Variants in BMI1 observed in about 807,000 individuals in gnomAD.
The protein encoded by BMI1 is polycomb complex protein BMI-1.
Under a neutral mutation model 39.1 loss-of-function variants are expected in BMI1, and 9 were observed. The ratio of observed to expected loss-of-function variants is 0.23; its 90% CI spans 0.14 to 0.40. The LOEUF is 0.40. Among genes scored for constraint, BMI1 ranks in the 10% least tolerant of loss-of-function variants. The pLI is 1.00. For synonymous variants in BMI1, 131 were observed against 127.9 expected (o/e 1.02, Z -0.16); for missense variants, 252 against 390.8 (o/e 0.64, Z 2.99).
chr10:22,329,294 A>G lies in BMI1; in HGVS notation c.733A>G (p.Asn245Asp). Reference sequence around the variant, plus strand: ...CAGTCACCAGAGAGATGGACTGACAAATGCTGGAGAACTGGAAAGTGACTC... The same window carrying G: ...CAGTCACCAGAGAGATGGACTGACAGATGCTGGAGAACTGGAAAGTGACTC... ...KISHQRDGLT[N>D]AGELESDSGS... Residue 245 changes from asparagine to aspartate, a missense_variant, in exon 10 of 10, where the codon AAT becomes GAT. By Grantham distance (23) the Asn-to-Asp change is conservative. Around this residue, in one of 4 missense-constraint regions of BMI1, gnomAD observed 96 missense variants for 120.2 expected, o/e 0.80. Transcript: ENST00000376663. 1 of 1,614,206 alleles carries G rather than the reference A, an allele frequency of 6.2e-7. No homozygotes were observed. The highest frequency in any genetic ancestry group is 8.5e-7 in the Non-Finnish European group (1 of 1,180,032).
Position 22,330,654 on chromosome 10 carries a change from GGTTGCTA to G in BMI1, c.*1113_*1119del, listed in dbSNP as rs1247793942. 2 of 152,166 alleles carry G rather than the reference GGTTGCTA, an allele frequency of 1.3e-5. No homozygotes were observed. The highest frequency in any genetic ancestry group is 2.4e-5 in the African/African-American group (1 of 41,424). The allele number at this position is 152,166 out of a possible 1,614,324, so 9.4% of individuals were successfully genotyped here. A position where few individuals can be genotyped will look rare whatever the true frequency, so the allele number is the denominator to read the frequency against. ...AAACAATTTTTTAAATAAACCAGCA[GGTTGCTA>G]AAAGAAGGCATTTTATCTAAAGTTA... On this transcript the variant is annotated 3_prime_UTR_variant, in exon 10 of 10. Transcript: ENST00000376663.
chr10:22,327,515 AAAG>A (rs1836186829), intron 3 of BMI1, 77 bp from the exon 4 acceptor site: 11 of 1,369,642 alleles, frequency 8.0e-6, no homozygotes, highest in Middle Eastern at 5.3e-4. Context: ...TTATAGCACA[AAAG>A]AAGACTATAG....
chr10:22,327,582 A>G lies in BMI1; in HGVS notation c.210-13A>G. The G allele has an allele frequency of 1.9e-6, 3 of 1,584,874 alleles. No homozygotes were observed. The highest frequency in any genetic ancestry group is 2.6e-6 in the Non-Finnish European group (3 of 1,168,388). ...ATCTGAATTCATAGTTTTCTATTTTAATTATTTTTCAGGTCAGATAAAACT... is the reference window on the plus strand; with the variant it reads ...ATCTGAATTCATAGTTTTCTATTTTGATTATTTTTCAGGTCAGATAAAACT... On this transcript the variant is annotated splice_polypyrimidine_tract_variant and intron_variant, in intron 3 of 9. Transcript: ENST00000376663.
chr10:22,328,259 G>C, intron 7 of BMI1, 80 bp downstream of exon 7: 1 of 1,480,244 alleles, frequency 6.8e-7, no homozygotes, highest in Non-Finnish European at 9.1e-7. Flanking sequence ...TTGCCCTTTA[G>C]AATATTAGGC....
chr10:22,328,373 T>C (rs1836206669), intron 7 of BMI1, among the ~76,000 whole-genome samples, 194 bp downstream of exon 7: 1 of 152,128 alleles, frequency 6.6e-6, no homozygotes, highest in Non-Finnish European at 1.5e-5. Context: ...TCTTACAAAA[T>C]ATTTTAAGTA....
At position 22,330,961 on chromosome 10, in the gene BMI1, TTGTA is replaced by T. The variant is rs2132010031; in HGVS notation, c.*1422_*1425del. On this transcript the variant is annotated 3_prime_UTR_variant, in exon 10 of 10. Coordinates refer to ENST00000376663, the MANE Select transcript of BMI1 (RefSeq NM_005180.9). ...ATTCTATATGAATATTGTTTCATGT[TTGTA>T]TGGGAAAATTGTAGCTAAACATTTC... is the stretch of plus-strand genomic sequence containing the variant. 1 of 152,714 alleles carries T rather than the reference TTGTA, an allele frequency of 6.5e-6. No individual in the cohort carries two copies. The highest frequency in any genetic ancestry group is 6.5e-5 in the Admixed American group (1 of 15,300). The allele number at this position is 152,714 out of a possible 1,614,324, so 9.5% of individuals were successfully genotyped here.
In BMI1 at chr10:22,328,072, G is replaced by C. The variant is rs1588621000; in HGVS notation, c.425+14G>C. On this transcript the variant is annotated intron_variant, in intron 6 of 9. Transcript: ENST00000376663. ...TGACCAGAACAGGTAAAATCTTTAG[G>C]CAATTTATTTTATGCTAATGTTTTA... 6.3e-7 allele frequency: 1 copy of C among 1,595,000 alleles called. No individual in the cohort carries two copies. The highest frequency in any genetic ancestry group is 2.2e-5 in the East Asian group (1 of 44,586).
chr10:22,328,748 A>G (rs367757093), intron 8 of BMI1, 50 bp downstream of exon 8: 3 of 1,513,536 alleles, frequency 2.0e-6, no homozygotes, highest in Non-Finnish European at 2.7e-6. Flanking sequence ...TTACAATTTT[A>G]ATTACATTTT....
At chr10:22,325,156 T>G (rs916176676) in intron 1 of BMI1, among the ~76,000 whole-genome samples, 1 of 152,220 alleles carries the variant, frequency 6.6e-6, no homozygotes, top group Non-Finnish European at 1.5e-5. Context: ...TTTCAGCCTT[T>G]CCAAAACTTT....
At chr10:22,325,295 C>CA (rs899772213) in intron 1 of BMI1, among the ~76,000 whole-genome samples, 1 of 152,156 alleles carries the variant, frequency 6.6e-6, no homozygotes, top group African/African-American at 2.4e-5. Flanking sequence ...TGGCAATTCT[C>CA]AAAAAATCCC....
chr10:22,329,721 TGAAAAGAAAG>T lies in BMI1; in HGVS notation c.*180_*189del, dbSNP rs1287372091. On this transcript the variant is annotated 3_prime_UTR_variant, in exon 10 of 10. Transcript: ENST00000376663. ...ATGTGATACTCCTATGGACGTTAAT[TGAAAAGAAAG>T]ATTGTTGTTATAAAGAATTGGTTTC... 3 of 702,118 alleles carry T rather than the reference TGAAAAGAAAG, an allele frequency of 4.3e-6. No homozygotes were observed. 43.5% of individuals were successfully genotyped at this position (702,118 alleles called of 1,614,324 possible). A position where few individuals can be genotyped will look rare whatever the true frequency, so the allele number is the denominator to read the frequency against.
At chr10:22,327,712 C>T (rs1452217597) in intron 4 of BMI1, 30 bp from the exon 5 acceptor site, 2 of 1,612,964 alleles carry the variant, frequency 1.2e-6, no homozygotes, top group African/African-American at 1.3e-5. Flanking sequence ...TGTGTTATGC[C>T]AAATGTTTAC....
At chr10:22,321,972 C>T (rs1302365983) in intron 1 of BMI1, 2 of 145,150 alleles carry the variant, frequency 1.4e-5, no homozygotes, top group African/African-American at 4.9e-5. Flanking sequence ...CGCGCCGCGC[C>T]GCCGCCGCCA....
chr10:22,327,014 G>C, intron 3 of BMI1, 28 bp downstream of exon 3: 2 of 1,605,124 alleles, frequency 1.2e-6, no homozygotes, highest in South Asian at 2.2e-5. Flanking sequence ...TTCCTTGTTT[G>C]TAATTATTAT....
At chr10:22,327,899 AT>A (rs746925739) in intron 5 of BMI1, 50 bp from the exon 6 acceptor site, 178 of 1,581,066 alleles carry the variant, frequency 1.1e-4, no homozygotes, top group Non-Finnish European at 1.0e-4. Context: ...TATATATAAA[AT>A]TTATTAGGCA....
intron 5 of BMI1, 68 bp from the exon 6 acceptor site, chr10:22,327,882 A>G (rs1042508470): frequency 1.3e-6 from 2 of 1,585,512 alleles, no homozygotes; most frequent in South Asian, 1.2e-5. Context: ...TACCACTTCC[A>G]TCCTCTTATA....
Position 22,327,937 on chromosome 10 carries a change from T to C in BMI1, c.317-13T>C. ...CTGATTTTTAAAAATTACATTTCAC[T>C]ATATCGTTATAGCTGCCAATGGCTC... On this transcript the variant is annotated splice_polypyrimidine_tract_variant and intron_variant, in intron 5 of 9. Transcript: ENST00000376663. The C allele has an allele frequency of 6.3e-7, 1 of 1,590,094 alleles. No individual in the cohort carries two copies. Among genetic ancestry groups the C allele is most frequent in the South Asian group, 1.2e-5 (1 of 85,660 alleles).
chr10:22,323,133 GCTACA>G (rs1389731291), intron 1 of BMI1, among the ~76,000 whole-genome samples: 2 of 152,158 alleles, frequency 1.3e-5, no homozygotes, highest in African/African-American at 4.8e-5. Context: ...CACATTATAA[GCTACA>G]CTAAACAGTT....
Position 22,329,243 on chromosome 10 carries a change from C to T in BMI1, c.682C>T (p.Arg228Ter), listed in dbSNP as rs1836232934. ...NGPLPLKYRV[R>*]PTCKRMKISH... ...TCCACTTCCATTGAAATACAGAGTT[C>T]GACCTACTTGTAAAAGAATGAAGAT... Residue 228 changes from arginine (R) to a stop codon, truncating the protein, a stop_gained, in exon 10 of 10, where the codon CGA becomes TGA. Coordinates refer to ENST00000376663, the MANE Select transcript of BMI1 (RefSeq NM_005180.9). LOFTEE classifies it high-confidence loss of function. 1 of 1,613,938 alleles carries T rather than the reference C, an allele frequency of 6.2e-7. No homozygotes were observed. Among genetic ancestry groups the T allele is most frequent in the Non-Finnish European group, 8.5e-7 (1 of 1,179,936 alleles).
Sources: allele counts gnomAD v4.1 joint callset (sites outside exome capture counted in the v4.1 genomes callset), GRCh38; gene constraint gnomAD v4.1.1; regional missense constraint gnomAD v4.1.1; transcripts MANE v1.5; gene names NCBI Gene and HGNC (gene_info 2026-07-23, HGNC 2026-07-21).